Variants in SLC25A21 observed in about 807,000 individuals in gnomAD.
SLC25A21 encodes mitochondrial 2-oxodicarboxylate carrier.
In SLC25A21, 47 loss-of-function variants were observed where a neutral mutation model predicts 43.8. The observed-to-expected ratio is 1.07, with a 90% confidence interval of 0.85 to 1.37. The LOEUF is 1.37. SLC25A21 is among the 40% of genes most tolerant of loss of function. SLC25A21 has a pLI of 0.00. For synonymous variants in SLC25A21, 131 were observed against 121.3 expected (o/e 1.08, Z -0.52); for missense variants, 352 against 350.2 (o/e 1.00, Z -0.04).
intron 2 of SLC25A21, among the ~76,000 whole-genome samples, chr14:36,844,483 G>GGTAT (rs1889482639): frequency 1.3e-5 from 2 of 152,106 alleles, no homozygotes; most frequent in Admixed American, 1.3e-4. Context: ...GAGAAGGTGA[G>GGTAT]GTATGAGGAA....
intron 1 of SLC25A21, among the ~76,000 whole-genome samples, chr14:36,943,301 C>G (rs1404947062): frequency 6.6e-6 from 1 of 152,154 alleles, no homozygotes; most frequent in Non-Finnish European, 1.5e-5. Flanking sequence ...AAGTGATTCT[C>G]CTGCCTCAGC....
chr14:37,013,643 GA>G (rs1960781299), intron 1 of SLC25A21, among the ~76,000 whole-genome samples: 1 of 152,068 alleles, frequency 6.6e-6, no homozygotes, highest in South Asian at 2.1e-4. Flanking sequence ...TACAACTGGT[GA>G]TTTTTTTGTA....
intron 1 of SLC25A21, among the ~76,000 whole-genome samples, chr14:37,148,244 A>G (rs985785109): frequency 2.6e-5 from 4 of 152,148 alleles, no homozygotes; most frequent in African/African-American, 7.2e-5. Context: ...ATACTGTCAT[A>G]TATTTCTAAC....
intron 2 of SLC25A21, among the ~76,000 whole-genome samples, chr14:36,829,667 C>G (rs1888963263): frequency 6.6e-6 from 1 of 152,124 alleles, no homozygotes; most frequent in South Asian, 2.1e-4. Flanking sequence ...ATCACAGTTA[C>G]AATTCTCTAG....
intron 7 of SLC25A21, among the ~76,000 whole-genome samples, chr14:36,693,094 C>T (rs903510804): frequency 3.9e-5 from 6 of 152,178 alleles, no homozygotes; most frequent in African/African-American, 9.7e-5. Context: ...GTGGTACCTA[C>T]GTGAAGCTCA....
At chr14:37,169,309 G>A (rs1176659126) in intron 1 of SLC25A21, among the ~76,000 whole-genome samples, 1 of 152,040 alleles carries the variant, frequency 6.6e-6, no homozygotes, top group Non-Finnish European at 1.5e-5. Flanking sequence ...CATCCCGAAA[G>A]GTGTAGTAGT....
Position 37,106,846 on chromosome 14 carries a change from C to T in SLC25A21, c.70+65435G>A, listed in dbSNP as rs149374443. 0.016 allele frequency among the ~76,000 whole-genome samples: 2,428 copies of T among 152,276 alleles called. 182 individuals carry two copies. In the East Asian group the frequency reaches 0.26, roughly 16 times the overall value. On this transcript the variant is annotated intron_variant, in intron 1 of 9. Transcript: ENST00000331299. ...CCCCGGCAGCCCAGCTGTAAAATTC[C>T]TCTCTTTGTAATCTTTCTCTTTATT...
At chr14:37,057,071 C>T (rs2138806538) in intron 1 of SLC25A21, among the ~76,000 whole-genome samples, 1 of 152,290 alleles carries the variant, frequency 6.6e-6, no homozygotes, top group South Asian at 2.1e-4. Flanking sequence ...AATGTGAATT[C>T]TCATTTAAAT....
chr14:36,687,806 G>T (rs1030890655), intron 7 of SLC25A21, among the ~76,000 whole-genome samples: 2 of 152,178 alleles, frequency 1.3e-5, no homozygotes, highest in African/African-American at 4.8e-5. Context: ...TCAAGTTCCT[G>T]TTACCTTTAC....
chr14:36,697,112 T>C (rs868258669), intron 7 of SLC25A21, among the ~76,000 whole-genome samples: 14 of 152,338 alleles, frequency 9.2e-5, no homozygotes, highest in African/African-American at 3.1e-4. Flanking sequence ...ATGTTGTGTC[T>C]TTGTTCTCAT....
At chr14:36,754,706 C>G (rs866569148) in intron 3 of SLC25A21, among the ~76,000 whole-genome samples, 1 of 147,586 alleles carries the variant, frequency 6.8e-6, no homozygotes, top group East Asian at 2.0e-4. Context: ...ATTGATGGCA[C>G]GAACATACAA....
chr14:37,022,812 G>C (rs1020241916), intron 1 of SLC25A21, among the ~76,000 whole-genome samples: 4 of 152,044 alleles, frequency 2.6e-5, no homozygotes, highest in African/African-American at 9.7e-5. Context: ...GTAAAGGAGT[G>C]AGAGAATGAA....
intron 2 of SLC25A21, among the ~76,000 whole-genome samples, chr14:36,834,192 G>A (rs753713698): frequency 6.6e-6 from 1 of 152,182 alleles, no homozygotes; most frequent in Non-Finnish European, 1.5e-5. Flanking sequence ...TTAGCAAGAA[G>A]ATCACTAATA....
chr14:37,033,872 G>C (rs920660093), intron 1 of SLC25A21, among the ~76,000 whole-genome samples: 3 of 152,152 alleles, frequency 2.0e-5, no homozygotes, highest in Non-Finnish European at 4.4e-5. Flanking sequence ...GGAACTTGCT[G>C]TTACAGGTAT....
At chr14:37,037,516 G>A (rs1467491) in intron 1 of SLC25A21, among the ~76,000 whole-genome samples, 71,265 of 151,824 alleles carry the variant, frequency 0.47, 19,122 homozygotes, top group African/African-American at 0.75. Context: ...AATTGAGTTT[G>A]GAATTCCTCC....
intron 1 of SLC25A21, among the ~76,000 whole-genome samples, chr14:36,913,378 T>A (rs1402081069): frequency 6.6e-6 from 1 of 152,182 alleles, no homozygotes; most frequent in Admixed American, 6.5e-5. Context: ...AACCTCCGCC[T>A]CTTGGGCTCA....
chr14:36,680,484 A>C lies in SLC25A21; in HGVS notation c.*174T>G, dbSNP rs1882184586. On this transcript the variant is annotated 3_prime_UTR_variant, in exon 10 of 10. Transcript: ENST00000331299. ...TCTCACAGTTTTATTTATACAGCCAAAACTATAATCTCAAGTTGCCTATAG... is the reference window on the plus strand; with the variant it reads ...TCTCACAGTTTTATTTATACAGCCACAACTATAATCTCAAGTTGCCTATAG... The C allele has an allele frequency of 1.6e-6, 2 of 1,242,064 alleles. No individual in the cohort carries two copies. The highest frequency in any genetic ancestry group is 2.0e-6 in the Non-Finnish European group (2 of 990,904). The allele number at this position is 1,242,064 out of a possible 1,614,324, so 76.9% of individuals were successfully genotyped here. A position where few individuals can be genotyped will look rare whatever the true frequency, so the allele number is the denominator to read the frequency against.
At chr14:36,783,525 C>G (rs940618853) in intron 3 of SLC25A21, among the ~76,000 whole-genome samples, 1 of 152,066 alleles carries the variant, frequency 6.6e-6, no homozygotes, top group Middle Eastern at 3.2e-3. Context: ...AGGTTGGCCT[C>G]CTTGGCAGCA....
intron 7 of SLC25A21, among the ~76,000 whole-genome samples, chr14:36,710,614 G>C: frequency 6.6e-6 from 1 of 151,938 alleles, no homozygotes; most frequent in Non-Finnish European, 1.5e-5. Context: ...ATTTTTTGTA[G>C]AGAGAGGTCC....
Sources: gnomAD v4.1 joint callset for allele counts (sites outside exome capture counted in the v4.1 genomes callset) on GRCh38, gnomAD v4.1.1 for gene constraint, MANE v1.5 for transcripts, NCBI Gene and HGNC (gene_info 2026-07-23, HGNC 2026-07-21) for gene names.